The following PRELID2 variants were observed in gnomAD, a reference collection of about 807,000 sequenced individuals.
The protein encoded by PRELID2 is PRELI domain-containing protein 2.
In PRELID2, 25 loss-of-function variants were observed where a neutral mutation model predicts 28.4. The ratio of observed to expected loss-of-function variants is 0.88; its 90% CI spans 0.64 to 1.23. PRELID2 has a LOEUF of 1.23. PRELID2 is among the 50% of genes most tolerant of loss of function. The pLI is 0.00. For missense variants in PRELID2, 201 were observed against 214.4 expected (o/e 0.94, Z 0.39); for synonymous variants, 76 against 71.6 (o/e 1.06, Z -0.31).
chr5:145,371,263 C>G, the PRELID2 span, among the ~76,000 whole-genome samples: 1 of 152,066 alleles, frequency 6.6e-6, no homozygotes, highest in African/African-American at 2.4e-5. Flanking sequence ...TCATAAATAG[C>G]TCTTACTATT....
At chr5:145,698,567 C>T (rs368275204) in intron 1 of PRELID2, among the ~76,000 whole-genome samples, 6 of 152,280 alleles carry the variant, frequency 3.9e-5, no homozygotes, top group African/African-American at 1.4e-4. Context: ...GGGCCCACTT[C>T]CTGGCTCATA....
intron 1 of PRELID2, chr5:145,703,818 C>T (rs890147884): frequency 1.3e-5 from 2 of 152,214 alleles, no homozygotes; most frequent in Non-Finnish European, 2.9e-5. Flanking sequence ...GCATAAAGAA[C>T]TCTTCCCAGC....
At chr5:145,515,079 A>C (rs1196627897) in intron 1 of PRELID2, among the ~76,000 whole-genome samples, 1 of 152,208 alleles carries the variant, frequency 6.6e-6, no homozygotes, top group Non-Finnish European at 1.5e-5. Context: ...CAACACTCTA[A>C]CATCAAAATT....
the PRELID2 span, among the ~76,000 whole-genome samples, chr5:145,443,591 G>C: frequency 6.6e-6 from 1 of 152,058 alleles, no homozygotes; most frequent in East Asian, 1.9e-4. Context: ...AAAAGCAGTA[G>C]AAATAACATT....
chr5:145,423,962 C>A, the PRELID2 span, among the ~76,000 whole-genome samples: 5 of 151,238 alleles, frequency 3.3e-5, no homozygotes, highest in African/African-American at 9.7e-5. Context: ...ACAGAGAGGA[C>A]CCTCAGCTGC....
intron 1 of PRELID2, among the ~76,000 whole-genome samples, chr5:145,510,759 A>T (rs1283490443): frequency 2.0e-5 from 3 of 152,174 alleles, no homozygotes; most frequent in African/African-American, 7.2e-5. Context: ...TGCTGGGAAA[A>T]GCCTCACAAA....
intron 1 of PRELID2, among the ~76,000 whole-genome samples, chr5:145,708,112 C>T (rs2149707844): frequency 6.6e-6 from 1 of 152,188 alleles, no homozygotes; most frequent in East Asian, 1.9e-4. Context: ...CCAAAGCACT[C>T]TTGGGGTGGT....
At chr5:145,511,275 G>C (rs1159024196) in intron 1 of PRELID2, among the ~76,000 whole-genome samples, 1 of 152,142 alleles carries the variant, frequency 6.6e-6, no homozygotes, top group Non-Finnish European at 1.5e-5. Flanking sequence ...AGGCCAAAGA[G>C]TTCAAATGTT....
chr5:145,400,031 A>T, the PRELID2 span, among the ~76,000 whole-genome samples: 1 of 152,022 alleles, frequency 6.6e-6, no homozygotes, highest in South Asian at 2.1e-4. Flanking sequence ...TTATCTCCAC[A>T]CCCTCACACT....
At chr5:145,567,343 A>ATGGTTTGTTT (rs373786888) in intron 1 of PRELID2, among the ~76,000 whole-genome samples, 10,994 of 146,300 alleles carry the variant, frequency 0.075, 607 homozygotes, top group Admixed American at 0.18. Flanking sequence ...ATGAGATCTG[A>ATGGTTTGTTT]TGGTTTGGTT....
chr5:145,569,227 T>C (rs1241206555), intron 1 of PRELID2, among the ~76,000 whole-genome samples: 1 of 152,194 alleles, frequency 6.6e-6, no homozygotes, highest in East Asian at 1.9e-4. Flanking sequence ...GTCTCAAATG[T>C]TCATCTCATT....
intron 1 of PRELID2, among the ~76,000 whole-genome samples, chr5:145,473,919 A>T (rs934402242): frequency 1.3e-5 from 2 of 152,214 alleles, no homozygotes; most frequent in African/African-American, 2.4e-5. Context: ...GAGCATACTT[A>T]TGTTAATTTT....
the PRELID2 span, among the ~76,000 whole-genome samples, chr5:145,332,612 T>C: frequency 2.6e-5 from 4 of 152,088 alleles, no homozygotes; most frequent in African/African-American, 9.7e-5. Flanking sequence ...GTTATTCAGC[T>C]ACATCAGGTC....
intron 1 of PRELID2, among the ~76,000 whole-genome samples, chr5:145,513,456 C>T (rs926122508): frequency 6.6e-5 from 10 of 151,698 alleles, no homozygotes; most frequent in Non-Finnish European, 1.0e-4. Flanking sequence ...TGAAAATGAA[C>T]GAACAAAGCC....
intron 1 of PRELID2, among the ~76,000 whole-genome samples, chr5:145,621,001 C>A (rs1335019759): frequency 6.6e-6 from 1 of 151,952 alleles, no homozygotes; most frequent in Non-Finnish European, 1.5e-5. Context: ...GAGTTGCATA[C>A]CAGAAAAACT....
chr5:145,821,375 GC>G (rs1754818327), intron 2 of PRELID2, among the ~76,000 whole-genome samples: 1 of 151,742 alleles, frequency 6.6e-6, no homozygotes, highest in Non-Finnish European at 1.5e-5. Context: ...GTGTGTGTAA[GC>G]CCTCTTCTGT....
intron 1 of PRELID2, among the ~76,000 whole-genome samples, chr5:145,829,687 G>A (rs1192151102): frequency 1.3e-5 from 2 of 152,118 alleles, no homozygotes; most frequent in Non-Finnish European, 2.9e-5. Flanking sequence ...CCCACATTCT[G>A]CACATCTGCA....
chr5:145,299,379 A>G, the PRELID2 span, among the ~76,000 whole-genome samples: 1 of 152,134 alleles, frequency 6.6e-6, no homozygotes, highest in Admixed American at 6.6e-5. Context: ...ATCAATTGCT[A>G]TTACTCTAAT....
At chr5:145,534,934 C>T (rs1160906914) in intron 1 of PRELID2, among the ~76,000 whole-genome samples, 9 of 151,896 alleles carry the variant, frequency 5.9e-5, no homozygotes, top group Admixed American at 5.3e-4. Context: ...TTTGCTATTT[C>T]GCTGATCTAA....
Sources: allele counts gnomAD v4.1 joint callset (sites outside exome capture counted in the v4.1 genomes callset), GRCh38; gene constraint gnomAD v4.1.1; transcripts MANE v1.5; gene names NCBI Gene and HGNC (gene_info 2026-07-23, HGNC 2026-07-21).